The following MPDZ variants were observed in gnomAD, a reference collection of about 807,000 sequenced individuals.
MPDZ encodes the protein multiple PDZ domain crumbs cell polarity complex component.
Under a neutral mutation model 239.1 loss-of-function variants are expected in MPDZ, and 234 were observed. The observed-to-expected ratio is 0.98, with a 90% CI of 0.88 to 1.09. The LOEUF (loss-of-function observed/expected upper bound fraction) is 1.09. Ranked by LOEUF, MPDZ falls within the 50% of genes least tolerant of loss-of-function variation. The probability of loss-of-function intolerance (pLI) is 0.00; values close to 1 mark genes in which losing one functional copy is unlikely to be tolerated. For missense variants in MPDZ, 3,175 were observed against 2,510.0 expected (o/e 1.26, Z -5.66); for synonymous variants, 1,048 against 881.3 (o/e 1.19, Z -3.35).
At chr9:13,224,119 A>T (rs765384139) in intron 4 of MPDZ, among the ~76,000 whole-genome samples, 5 of 151,980 alleles carry the variant, frequency 3.3e-5, no homozygotes, top group African/African-American at 1.2e-4. Context: ...ATTGAATAAC[A>T]TTTTTCCAAG....
chr9:13,201,191 GTTCTTC>G (rs1182355460), intron 12 of MPDZ, among the ~76,000 whole-genome samples: 1 of 151,272 alleles, frequency 6.6e-6, no homozygotes, highest in Non-Finnish European at 1.5e-5. Flanking sequence ...TTTTTTTACT[GTTCTTC>G]ACTTAGCCTA....
At position 13,115,354 on chromosome 9, in the gene MPDZ, G is replaced by T. The variant is rs778274899; in HGVS notation, c.5380-20C>A. The T allele has an allele frequency of 6.4e-6, 10 of 1,571,328 alleles. No homozygotes were observed. Among genetic ancestry groups the T allele is most frequent in the East Asian group, 4.5e-5 (2 of 44,612 alleles). On this transcript the variant is annotated intron_variant, in intron 39 of 46. Coordinates refer to ENST00000319217, the MANE Select transcript of MPDZ (RefSeq NM_001378778.1). ...GGAACACTGGGGGTGGGCATGGGGG[G>T]TGTTTTATGGAAATGTTTAAATAAA...
rs1433380846 is a variant in MPDZ at position 13,221,475 on chromosome 9, A to G, written c.773T>C (p.Ile258Thr). Residue 258 changes from isoleucine (I) to threonine (T), a missense_variant, in exon 7 of 47, where the codon ATT (isoleucine) becomes ACT (threonine). Physicochemically the swap from Ile to Thr is moderately conservative, Grantham distance 89 (BLOSUM62 -1). Coordinates refer to ENST00000319217, the MANE Select transcript of MPDZ (RefSeq NM_001378778.1). ...NPVHWQHMET[I>T]ELVNDGSGLG... is the part of the protein sequence containing the mutation. Reference sequence around the variant, plus strand: ...ACCAGATCCATCATTCACCAATTCAATCGTTTCCATGTGTTGCCAGTGAAC... The same window carrying G: ...ACCAGATCCATCATTCACCAATTCAGTCGTTTCCATGTGTTGCCAGTGAAC... 31 of 1,610,588 alleles carry G rather than the reference A, an allele frequency of 1.9e-5. No homozygotes were observed. Among genetic ancestry groups the G allele is most frequent in the Non-Finnish European group, 2.3e-5 (27 of 1,178,000 alleles).
At chr9:13,270,215 TA>T (rs1972652527) in intron 1 of MPDZ, among the ~76,000 whole-genome samples, 1 of 152,244 alleles carries the variant, frequency 6.6e-6, no homozygotes, top group South Asian at 2.1e-4. Flanking sequence ...ACTTTCGTAA[TA>T]ATCCAGAAAG....
intron 13 of MPDZ, among the ~76,000 whole-genome samples, chr9:13,193,629 C>G (rs776420375): frequency 6.6e-6 from 1 of 152,118 alleles, no homozygotes; most frequent in Non-Finnish European, 1.5e-5. Context: ...GAAAAGGTAC[C>G]ATGACCAGAG....
At chr9:13,272,549 C>G (rs769670668) in intron 1 of MPDZ, among the ~76,000 whole-genome samples, 1 of 151,806 alleles carries the variant, frequency 6.6e-6, no homozygotes, top group East Asian at 1.9e-4. Context: ...ATCGATGAGG[C>G]CCCTGTAATC....
intron 38 of MPDZ, chr9:13,120,787 T>C (rs980481371): frequency 1.3e-5 from 2 of 152,168 alleles, no homozygotes; most frequent in African/African-American, 2.4e-5. Context: ...GAAATAAAGA[T>C]CACCATTTCA....
At chr9:13,147,937 C>T (rs895461784) in intron 25 of MPDZ, among the ~76,000 whole-genome samples, 6 of 151,922 alleles carry the variant, frequency 3.9e-5, no homozygotes, top group African/African-American at 1.4e-4. Context: ...TGCTCAGCTG[C>T]TCCTTTAAAT....
chr9:13,228,162 A>T (rs938802211), intron 3 of MPDZ, among the ~76,000 whole-genome samples: 13 of 152,274 alleles, frequency 8.5e-5, no homozygotes, highest in Non-Finnish European at 1.5e-4. Flanking sequence ...CATTCTGTAT[A>T]ATTTATGGAA....
intron 3 of MPDZ, among the ~76,000 whole-genome samples, chr9:13,242,981 C>T (rs1255230337): frequency 2.6e-5 from 4 of 152,152 alleles, no homozygotes; most frequent in Non-Finnish European, 5.9e-5. Context: ...ATAAAATAAT[C>T]CTGTTGTGAA....
intron 1 of MPDZ, among the ~76,000 whole-genome samples, chr9:13,258,150 T>C (rs1313674928): frequency 2.0e-5 from 3 of 152,168 alleles, no homozygotes; most frequent in African/African-American, 7.2e-5. Flanking sequence ...ATTAACTGAG[T>C]AATCATTTTA....
At chr9:13,247,946 GC>G in intron 2 of MPDZ, 145 bp from the exon 3 acceptor site, 2 of 789,256 alleles carry the variant, frequency 2.5e-6, no homozygotes, top group Non-Finnish European at 3.8e-6. Flanking sequence ...AAAACAGTAG[GC>G]CGGACCCAGT....
chr9:13,122,876 T>C (rs757622135), intron 36 of MPDZ, among the ~76,000 whole-genome samples: 8 of 152,102 alleles, frequency 5.3e-5, no homozygotes, highest in Admixed American at 2.6e-4. Context: ...GAAATTAAAA[T>C]GTAGCAAGGA....
At chr9:13,121,714 T>C (rs369425525) in intron 38 of MPDZ, 25 bp downstream of exon 38, 40 of 1,611,742 alleles carry the variant, frequency 2.5e-5, no homozygotes, top group African/African-American at 2.0e-4. Context: ...CAAGGGAGCA[T>C]TGGGTTTGTC....
At chr9:13,158,137 C>T (rs1281004424) in intron 23 of MPDZ, 27 bp from the exon 24 acceptor site, 2 of 1,565,870 alleles carry the variant, frequency 1.3e-6, no homozygotes, top group Non-Finnish European at 1.8e-6. Flanking sequence ...ACAATGAGTA[C>T]CCCAAAATCC....
chr9:13,239,763 T>C (rs917350564), intron 3 of MPDZ, among the ~76,000 whole-genome samples: 46 of 152,098 alleles, frequency 3.0e-4, no homozygotes, highest in African/African-American at 1.1e-3. Flanking sequence ...CCAAAAGTGG[T>C]AAATGGATGT....
At chr9:13,112,363 T>TGCTAAATGAAAATCATGTTGTGGAAC (rs1345325743) in intron 42 of MPDZ, among the ~76,000 whole-genome samples, 2 of 152,138 alleles carry the variant, frequency 1.3e-5, no homozygotes, top group Non-Finnish European at 2.9e-5. Context: ...AATCAAGACA[T>TGCTAAATGAAAATCATGTTGTGGAAC]GCTAAATGAA....
rs180975802 is a variant in MPDZ at position 13,246,902 on chromosome 9, T to A, written c.183+733A>T. On this transcript the variant is annotated intron_variant, in intron 3 of 46. Transcript: ENST00000319217. The stretch of plus-strand genomic sequence containing the variant: ...TTCAAACCTTGAAGATAACATTTTT[T>A]AAATATTTTTAAAGCATAGAAATGG... 1.3e-3 allele frequency among the ~76,000 whole-genome samples: 199 copies of A among 152,360 alleles called. 1 individual carries two copies. The highest frequency in any genetic ancestry group is 4.5e-3 in the African/African-American group (187 of 41,594).
intron 43 of MPDZ, 24 bp downstream of exon 43, chr9:13,112,000 T>TAGAAAA (rs751778783): frequency 1.4e-5 from 22 of 1,611,032 alleles, no homozygotes; most frequent in Non-Finnish European, 1.9e-5. Flanking sequence ...TGCTAGGGCT[T>TAGAAAA]CTAGGGTTGA....
Sources: allele counts gnomAD v4.1 joint callset (sites outside exome capture counted in the v4.1 genomes callset), GRCh38; gene constraint gnomAD v4.1.1; transcripts MANE v1.5; gene names NCBI Gene and HGNC (gene_info 2026-07-23, HGNC 2026-07-21).